DTNB: variants seen among roughly 807,000 people sequenced by gnomAD.
The protein encoded by DTNB is DTN-B.
Under a neutral mutation model 90.7 loss-of-function variants are expected in DTNB, and 63 were observed. That is an observed-to-expected ratio of 0.69 (90% CI 0.57 to 0.86). DTNB has a LOEUF of 0.86. Among genes scored for constraint, DTNB ranks in the 40% least tolerant of loss-of-function variants. DTNB has a pLI of 0.00. For synonymous variants in DTNB, 277 were observed against 286.7 expected (o/e 0.97, Z 0.34); for missense variants, 744 against 807.1 (o/e 0.92, Z 0.95).
chr2:25,453,327 A>G (rs1029925438), intron 11 of DTNB, among the ~76,000 whole-genome samples: 1 of 152,218 alleles, frequency 6.6e-6, no homozygotes, highest in Non-Finnish European at 1.5e-5. Context: ...AGAGGTTTTA[A>G]GGTCAATGAT....
At chr2:25,671,141 G>A (rs1432996320) in intron 1 of DTNB, among the ~76,000 whole-genome samples, 1 of 152,064 alleles carries the variant, frequency 6.6e-6, no homozygotes, top group African/African-American at 2.4e-5. Context: ...ATCTCTCATG[G>A]CAACTAATTT....
intron 16 of DTNB, 125 bp from the exon 17 acceptor site, chr2:25,388,486 T>C: frequency 5.4e-6 from 7 of 1,305,866 alleles, no homozygotes; most frequent in Non-Finnish European, 7.1e-6. Context: ...TACAAGATCA[T>C]ACTTGAAAGG....
intron 19 of DTNB, among the ~76,000 whole-genome samples, chr2:25,381,210 TGTGTGTGCGC>T (rs1314216593): frequency 1.4e-5 from 2 of 142,218 alleles, no homozygotes; most frequent in Non-Finnish European, 3.1e-5. Context: ...TGCGTGTGCG[TGTGTGTGCGC>T]GTGTTTGCAG....
intron 1 of DTNB, among the ~76,000 whole-genome samples, chr2:25,655,681 T>C (rs35128456): frequency 0.28 from 43,063 of 152,012 alleles, 6,947 homozygotes; most frequent in Non-Finnish European, 0.38. Flanking sequence ...AGGAAATAAA[T>C]TGAAAATCCC....
In DTNB at chr2:25,444,164, G is replaced by A. The variant is rs373352698; in HGVS notation, c.1257+7384C>T. Among the ~76,000 whole-genome samples the A allele has an allele frequency of 2.4e-3, 370 of 152,210 alleles. 4 individuals are homozygous for A. The highest frequency in any genetic ancestry group is 8.5e-3 in the African/African-American group (353 of 41,520). ...AAACATCTGATTACATCTTGGTGAC[G>A]TTTGTGATGACACTTTAAGAATTTG... On this transcript the variant is annotated intron_variant, in intron 12 of 20. Transcript: ENST00000406818.
chr2:25,575,675 T>C (rs1008552781), intron 8 of DTNB, among the ~76,000 whole-genome samples: 2 of 152,160 alleles, frequency 1.3e-5, no homozygotes, highest in African/African-American at 4.8e-5. Context: ...AAAGGGAAAA[T>C]AAAAACTGGT....
intron 12 of DTNB, among the ~76,000 whole-genome samples, chr2:25,444,270 T>A (rs2058044762): frequency 1.3e-5 from 2 of 152,188 alleles, no homozygotes; most frequent in Non-Finnish European, 2.9e-5. Context: ...GGCTCACACC[T>A]GTAATCCCAG....
At chr2:25,523,897 C>CTTTTTTTTT (rs869167435) in intron 9 of DTNB, among the ~76,000 whole-genome samples, 1 of 115,860 alleles carries the variant, frequency 8.6e-6, no homozygotes, top group Non-Finnish European at 1.8e-5. Flanking sequence ...GTCATCTGTA[C>CTTTTTTTTT]TTTTTTTTTT....
At position 25,387,498 on chromosome 2, in the gene DTNB, A is replaced by G; in HGVS notation, c.1736-120T>C. On this transcript the variant is annotated intron_variant, in intron 17 of 20. Transcript: ENST00000406818. This position sits in a 1 kb window ranked among gnomAD's most constrained non-coding sequence, Gnocchi z 4.5. The stretch of plus-strand genomic sequence containing the variant: ...ACAGGTGTGGAACACCTAAGGGGAG[A>G]TGGGGCCACAGCAGCTCCACCCATT... 1 of 859,784 alleles carries G rather than the reference A, an allele frequency of 1.2e-6. No individual in the cohort carries two copies. The highest frequency in any genetic ancestry group is 1.8e-5 in the South Asian group (1 of 54,996). The allele number at this position is 859,784 out of a possible 1,614,324, so 53.3% of individuals were successfully genotyped here. A position where few individuals can be genotyped will look rare whatever the true frequency, so the allele number is the denominator to read the frequency against.
At chr2:25,507,823 T>C (rs1558808573) in intron 9 of DTNB, among the ~76,000 whole-genome samples, 1 of 152,226 alleles carries the variant, frequency 6.6e-6, no homozygotes, top group Non-Finnish European at 1.5e-5. Context: ...ATAATATCTT[T>C]GATTTCATTT....
At chr2:25,584,048 T>C (rs966226678) in intron 6 of DTNB, among the ~76,000 whole-genome samples, 1 of 152,176 alleles carries the variant, frequency 6.6e-6, no homozygotes, top group Non-Finnish European at 1.5e-5. Flanking sequence ...ATCTCTGAGT[T>C]TCAGTTTTCT....
chr2:25,524,920 T>G (rs1376302457), intron 9 of DTNB, among the ~76,000 whole-genome samples: 1 of 152,190 alleles, frequency 6.6e-6, no homozygotes, highest in Admixed American at 6.5e-5. Context: ...GAATATGTAA[T>G]ATTCATATCC....
At chr2:25,509,033 CTT>C (rs1429166726) in intron 9 of DTNB, among the ~76,000 whole-genome samples, 1 of 152,142 alleles carries the variant, frequency 6.6e-6, no homozygotes, top group Non-Finnish European at 1.5e-5. Flanking sequence ...ATACTGCTAA[CTT>C]TGTTAGTTCT....
At chr2:25,481,600 C>G (rs1171446292) in intron 10 of DTNB, 1 of 152,244 alleles carries the variant, frequency 6.6e-6, no homozygotes, top group Non-Finnish European at 1.5e-5. Flanking sequence ...AGTACTCTTA[C>G]CTGGTCAGGT....
At chr2:25,476,917 T>C (rs1280159974) in intron 10 of DTNB, among the ~76,000 whole-genome samples, 1 of 152,196 alleles carries the variant, frequency 6.6e-6, no homozygotes, top group Non-Finnish European at 1.5e-5. Context: ...TAAAATGCTA[T>C]CAAACAGCAT....
chr2:25,476,225 T>C (rs1345813130), intron 10 of DTNB, among the ~76,000 whole-genome samples: 5 of 152,070 alleles, frequency 3.3e-5, no homozygotes, highest in Admixed American at 6.6e-5. Flanking sequence ...GGTGCCACCA[T>C]GCCAAGCTAA....
chr2:25,640,413 G>A (rs1422937307), intron 2 of DTNB, among the ~76,000 whole-genome samples: 1 of 151,944 alleles, frequency 6.6e-6, no homozygotes, highest in African/African-American at 2.4e-5. Flanking sequence ...GTTAAAGGAA[G>A]GATTTTTCCA....
At chr2:25,587,572 T>C (rs907680903) in intron 6 of DTNB, among the ~76,000 whole-genome samples, 3 of 152,100 alleles carry the variant, frequency 2.0e-5, no homozygotes, top group Non-Finnish European at 2.9e-5. Context: ...AGCTCATGAA[T>C]CATCAGTGGG....
chr2:25,438,182 G>A (rs1202139878), intron 12 of DTNB, among the ~76,000 whole-genome samples: 1 of 152,112 alleles, frequency 6.6e-6, no homozygotes, highest in Non-Finnish European at 1.5e-5. Context: ...CGAGGCACGG[G>A]GAGATGAAGG....
Sources: allele counts gnomAD v4.1 joint callset (sites outside exome capture counted in the v4.1 genomes callset), GRCh38; gene constraint gnomAD v4.1.1; non-coding constraint Gnocchi (gnomAD v3.1); transcripts MANE v1.5; gene names NCBI Gene and HGNC (gene_info 2026-07-23, HGNC 2026-07-21).